KCTD16: variants seen among roughly 807,000 people sequenced by gnomAD.
KCTD16 encodes the protein BTB/POZ domain-containing protein KCTD16.
KCTD16 carries 13 observed loss-of-function variants against 33.2 expected under a neutral mutation model. That is an observed-to-expected ratio of 0.39 (90% CI 0.25 to 0.62). The LOEUF (loss-of-function observed/expected upper bound fraction) is 0.62. Among genes scored for constraint, KCTD16 ranks in the 20% least tolerant of loss-of-function variants. The probability of loss-of-function intolerance (pLI) is 0.50; values close to 1 mark genes in which losing one functional copy is unlikely to be tolerated. For missense variants in KCTD16, 441 were observed against 525.1 expected, an observed-to-expected ratio of 0.84 and a Z score of 1.57; for synonymous variants, 197 against 195.3, an observed-to-expected ratio of 1.01 and a Z score of -0.07.
chr5:144,429,417 C>T (rs1187437024), intron 3 of KCTD16, among the ~76,000 whole-genome samples: 2 of 152,058 alleles, frequency 1.3e-5, no homozygotes, highest in African/African-American at 4.8e-5. Flanking sequence ...AGAACATGAC[C>T]TCAGGTAGTT....
At chr5:144,204,999 G>T (rs1287601661) in intron 2 of KCTD16, among the ~76,000 whole-genome samples, 23 of 151,978 alleles carry the variant, frequency 1.5e-4, no homozygotes, top group Non-Finnish European at 2.1e-4. Flanking sequence ...AACGAGGAGG[G>T]GGGAGGGGGG....
chr5:144,371,294 A>G (rs1310359735), intron 3 of KCTD16, among the ~76,000 whole-genome samples: 1 of 152,080 alleles, frequency 6.6e-6, no homozygotes, highest in Non-Finnish European at 1.5e-5. Context: ...CTGGAAATGC[A>G]CTTTTTTCAA....
intron 3 of KCTD16, among the ~76,000 whole-genome samples, chr5:144,219,431 C>A (rs952373380): frequency 4.0e-5 from 6 of 150,270 alleles, no homozygotes; most frequent in Middle Eastern, 3.5e-3. Flanking sequence ...CCAGGCTGGT[C>A]TCAAACTCCT....
intron 3 of KCTD16, among the ~76,000 whole-genome samples, chr5:144,411,566 G>C (rs148063418): frequency 0.011 from 1,707 of 152,200 alleles, 11 homozygotes; most frequent in South Asian, 0.033. Context: ...TTCAAGACCT[G>C]CAATTATTGA....
In KCTD16 at chr5:144,476,090, G is replaced by C. The variant is rs349701; in HGVS notation, c.*1976G>C. 0.46 allele frequency: 70,611 copies of C among 152,072 alleles called. 16,760 individuals are homozygous for C. Among genetic ancestry groups the C allele is most frequent in the East Asian group, 0.67 (3,469 of 5,174 alleles). 9.4% of individuals were successfully genotyped at this position (152,072 alleles called of 1,614,324 possible). ...GTTTGTAAACTTACCAGTATGTCTT[G>C]ATTCTTTTCAATGTTTCTTGATAGC... On this transcript the variant is annotated 3_prime_UTR_variant, in exon 4 of 4. Coordinates refer to ENST00000512467, the MANE Select transcript of KCTD16 (RefSeq NM_020768.4).
intron 3 of KCTD16, among the ~76,000 whole-genome samples, chr5:144,429,813 A>G (rs927939913): frequency 2.0e-5 from 3 of 152,166 alleles, no homozygotes; most frequent in African/African-American, 7.2e-5. Flanking sequence ...AGACAGGAAT[A>G]TACAGTGCCG....
At chr5:144,390,350 G>C (rs1752420737) in intron 3 of KCTD16, among the ~76,000 whole-genome samples, 1 of 152,084 alleles carries the variant, frequency 6.6e-6, no homozygotes, top group Non-Finnish European at 1.5e-5. Context: ...GAAGGAAAGG[G>C]GAAGGCTGGA....
In KCTD16 at chr5:144,176,654, G is replaced by T. The variant is rs1218726873; in HGVS notation, c.-327+2182G>T. Among the ~76,000 whole-genome samples the T allele has an allele frequency of 2.7e-5, 4 of 150,788 alleles. No homozygotes were observed. The South Asian group carries it at 6.3e-4, about 24-fold the overall frequency. ...CCTGACCTCATGATCCACTCGCCTCGGCCTCCCAAAGTGCTGGGATTACAG... is the reference window on the plus strand; with the variant it reads ...CCTGACCTCATGATCCACTCGCCTCTGCCTCCCAAAGTGCTGGGATTACAG... On this transcript the variant is annotated intron_variant, in intron 2 of 3. Transcript: ENST00000512467.
intron 3 of KCTD16, among the ~76,000 whole-genome samples, chr5:144,419,998 C>T (rs1727150229): frequency 6.6e-6 from 1 of 152,102 alleles, no homozygotes; most frequent in South Asian, 2.1e-4. Flanking sequence ...TTGTACAATT[C>T]TTCCATGGGC....
At chr5:144,172,125 A>G (rs1752398274) in intron 1 of KCTD16, among the ~76,000 whole-genome samples, 1 of 152,102 alleles carries the variant, frequency 6.6e-6, no homozygotes, top group South Asian at 2.1e-4. Context: ...CCCCACCCCA[A>G]TAAAACAAAC....
rs530797830 is a variant in KCTD16, at chr5:144,208,782, T to C, written c.832+1236T>C. Among the ~76,000 whole-genome samples, 4 of 152,366 alleles carry C rather than the reference T, an allele frequency of 2.6e-5. No homozygotes were observed. In the South Asian group the frequency reaches 8.3e-4, roughly 32 times the overall value. On this transcript the variant is annotated intron_variant, in intron 3 of 3. Transcript: ENST00000512467. ...ATCACACATTTGGTTAAGACACATG[T>C]ATTGCATAGCCAGAACAACCTGTGG...
At chr5:144,173,147 A>G (rs1172503773) in intron 1 of KCTD16, among the ~76,000 whole-genome samples, 2 of 152,248 alleles carry the variant, frequency 1.3e-5, no homozygotes, top group African/African-American at 4.8e-5. Flanking sequence ...CCAAAAGGAT[A>G]TAAATCAGTC....
At chr5:144,208,818 A>G (rs1346707632) in intron 3 of KCTD16, among the ~76,000 whole-genome samples, 1 of 152,232 alleles carries the variant, frequency 6.6e-6, no homozygotes, top group Non-Finnish European at 1.5e-5. Flanking sequence ...AAAAAAACGA[A>G]ATCAGTAATC....
chr5:144,291,088 A>C (rs1324421323), intron 3 of KCTD16, among the ~76,000 whole-genome samples: 4 of 152,204 alleles, frequency 2.6e-5, no homozygotes, highest in African/African-American at 9.7e-5. Context: ...TCTAAAGCCA[A>C]AAAGCATCAA....
At chr5:144,459,312 T>C (rs1164289671) in intron 3 of KCTD16, among the ~76,000 whole-genome samples, 1 of 152,238 alleles carries the variant, frequency 6.6e-6, no homozygotes, top group African/African-American at 2.4e-5. Context: ...TTAACTGGCC[T>C]CCCTGGCTCA....
chr5:144,387,799 T>G (rs1752358158), intron 3 of KCTD16, among the ~76,000 whole-genome samples: 1 of 152,200 alleles, frequency 6.6e-6, no homozygotes, highest in Non-Finnish European at 1.5e-5. Flanking sequence ...ACAGCTCTAC[T>G]GTCCAGCCTA....
rs1292501647 is a variant in KCTD16, at chr5:144,473,960, T to C, written c.1133T>C (p.Met378Thr). ...ACTTCAGGCTCCAGGGAATCGAACA[T>C]GAGCAGCAAAAAAAAAGCTGTTAAA... ...TLTSGSRESN[M>T]SSKKKAVKEK... The change falls in exon 4 of 4, where the codon ATG becomes ACG. Residue 378 changes from methionine to threonine, a missense_variant. Met to Thr is a moderately conservative substitution (Grantham distance 81). Around this residue, in one of 3 missense-constraint regions of KCTD16, gnomAD observed 355 missense variants for 413.0 expected, o/e 0.86. Coordinates refer to ENST00000512467, the MANE Select transcript of KCTD16 (RefSeq NM_020768.4). The C allele has an allele frequency of 1.2e-5, 19 of 1,613,382 alleles. No individual in the cohort carries two copies. Among genetic ancestry groups the C allele is most frequent in the Non-Finnish European group, 1.4e-5 (16 of 1,179,892 alleles).
chr5:144,394,612 G>A (rs937536495), intron 3 of KCTD16, among the ~76,000 whole-genome samples: 2 of 152,156 alleles, frequency 1.3e-5, no homozygotes, highest in Non-Finnish European at 2.9e-5. Context: ...GTCGAGAGAC[G>A]GACCCAGTGA....
chr5:144,193,106 A>G (rs951912470), intron 2 of KCTD16, among the ~76,000 whole-genome samples: 7 of 152,206 alleles, frequency 4.6e-5, no homozygotes, highest in African/African-American at 1.7e-4. Context: ...ATCATCATAT[A>G]TCACTAAATC....
Sources: allele counts gnomAD v4.1 joint callset (sites outside exome capture counted in the v4.1 genomes callset), GRCh38; gene constraint gnomAD v4.1.1; regional missense constraint gnomAD v4.1.1; transcripts MANE v1.5; gene names NCBI Gene and HGNC (gene_info 2026-07-23, HGNC 2026-07-21).